CFAP20DC: variants seen among roughly 807,000 people sequenced by gnomAD.
The protein encoded by CFAP20DC is CFAP20 domain containing.
Under a neutral mutation model 101.7 loss-of-function variants are expected in CFAP20DC, and 84 were observed. The observed-to-expected ratio is 0.83, with a 90% CI of 0.69 to 0.99. CFAP20DC has a LOEUF of 0.99. Ranked by LOEUF, CFAP20DC falls within the 50% of genes least tolerant of loss-of-function variation. The probability of loss-of-function intolerance (pLI) is 0.00; values close to 1 mark genes in which losing one functional copy is unlikely to be tolerated. For missense variants in CFAP20DC, 1,007 were observed against 970.3 expected (o/e 1.04, Z -0.50); for synonymous variants, 359 against 351.2 (o/e 1.02, Z -0.25).
intron 14 of CFAP20DC, among the ~76,000 whole-genome samples, chr3:58,808,607 A>G (rs2074325224): frequency 6.6e-6 from 1 of 152,224 alleles, no homozygotes; most frequent in Non-Finnish European, 1.5e-5. Context: ...CCACTGCAAA[A>G]TCATGCCAAA....
intron 15 of CFAP20DC, among the ~76,000 whole-genome samples, chr3:58,776,012 G>T (rs2071306714): frequency 6.6e-6 from 1 of 152,036 alleles, no homozygotes; most frequent in Admixed American, 6.6e-5. Flanking sequence ...AAAGTGCTGG[G>T]ATTACAGGCG....
In CFAP20DC at chr3:58,729,486, G is replaced by A. The variant is rs546505525; in HGVS notation, c.198-11858C>T. 6.6e-6 allele frequency among the ~76,000 whole-genome samples: 1 copy of A among 152,066 alleles called. No homozygotes were observed. ...TCTTATAACTTTTATTAATTTATGT[G>A]TAGATAAAAGAGTTGTTTTAAGACA... On this transcript the variant is annotated intron_variant, in intron 3 of 3. Transcript: ENST00000486145. This position sits in a 1 kb window ranked among gnomAD's most constrained non-coding sequence, Gnocchi z 4.4.
At chr3:58,813,211 A>G (rs1380576334) in intron 14 of CFAP20DC, among the ~76,000 whole-genome samples, 1 of 151,932 alleles carries the variant, frequency 6.6e-6, no homozygotes, top group Non-Finnish European at 1.5e-5. Context: ...TTCCCTCCAC[A>G]GGAAACCTTT....
At chr3:58,737,021 A>G (rs1471799403), downstream of CFAP20DC, 1 of 304,696 alleles carries the variant, frequency 3.3e-6, no homozygotes, top group African/African-American at 2.2e-5. This position sits in a 1 kb window ranked among gnomAD's most constrained non-coding sequence, Gnocchi z 4.1. Context: ...ATGAACTTTC[A>G]TTTAGATTTA....
At chr3:58,855,477 C>A (rs1261090781) in intron 12 of CFAP20DC, among the ~76,000 whole-genome samples, 1 of 152,110 alleles carries the variant, frequency 6.6e-6, no homozygotes, top group Non-Finnish European at 1.5e-5. Context: ...CCCAGCCATC[C>A]CATTACTGGG....
chr3:58,943,759 G>A (rs1014168849), intron 4 of CFAP20DC, among the ~76,000 whole-genome samples: 5 of 152,002 alleles, frequency 3.3e-5, no homozygotes, highest in Non-Finnish European at 5.9e-5. Context: ...CAGAAGGTGG[G>A]TAATAATAAA....
intron 12 of CFAP20DC, among the ~76,000 whole-genome samples, chr3:58,854,027 A>C (rs1175188016): frequency 1.3e-5 from 2 of 152,124 alleles, no homozygotes; most frequent in Non-Finnish European, 1.5e-5. Flanking sequence ...TTCAATCAGG[A>C]AAAGAGGAAG....
chr3:58,900,008 T>G (rs1404414282), intron 6 of CFAP20DC, among the ~76,000 whole-genome samples: 2 of 152,124 alleles, frequency 1.3e-5, no homozygotes, highest in Non-Finnish European at 2.9e-5. Flanking sequence ...AACAGCATAA[T>G]GGGAGAATCT....
chr3:59,047,232 A>C lies in CFAP20DC; in HGVS notation c.44T>G (p.Phe15Cys). 1 of 1,534,850 alleles carries C rather than the reference A, an allele frequency of 6.5e-7. No homozygotes were observed. Residue 15 changes from phenylalanine to cysteine, a missense_variant, in exon 2 of 17, where the codon TTC becomes TGC. Coordinates refer to ENST00000482387, the MANE Select transcript of CFAP20DC (RefSeq NM_001394063.1). ...EYQGGAFVEI[F>C]SAQGKNPGAK... Reference sequence around the variant, plus strand: ...TCCAGGATTTTTTCCTTGAGCACTGAAAATTTCAACAAATGCACCTCCCTA... The same window carrying C: ...TCCAGGATTTTTTCCTTGAGCACTGCAAATTTCAACAAATGCACCTCCCTA...
chr3:58,945,359 T>C (rs2089200369), intron 4 of CFAP20DC, among the ~76,000 whole-genome samples: 1 of 152,218 alleles, frequency 6.6e-6, no homozygotes, highest in Non-Finnish European at 1.5e-5. Flanking sequence ...ATGCCTACCC[T>C]ACACTGTGTT....
rs200319661 is a variant in CFAP20DC at position 58,969,011 on chromosome 3, T to C, written c.279-31249A>G. Among the ~76,000 whole-genome samples, 14 of 152,284 alleles carry C rather than the reference T, an allele frequency of 9.2e-5. No individual in the cohort carries two copies. The East Asian group carries it at 2.5e-3, about 27-fold the overall frequency. ...TTTGTCAGCTTTGTTGAAGATCAGA[T>C]GGCTGTAGATGTGTGGCCTTATTTC... On this transcript the variant is annotated intron_variant, in intron 4 of 16. Coordinates refer to ENST00000482387, the MANE Select transcript of CFAP20DC (RefSeq NM_001394063.1).
intron 15 of CFAP20DC, among the ~76,000 whole-genome samples, chr3:58,789,522 G>T (rs973235335): frequency 3.3e-5 from 5 of 152,102 alleles, no homozygotes; most frequent in Admixed American, 2.6e-4. Flanking sequence ...TGCTAAAAAG[G>T]CTCTGTGAGG....
At chr3:58,855,204 G>A (rs1027709718) in intron 12 of CFAP20DC, among the ~76,000 whole-genome samples, 1 of 152,114 alleles carries the variant, frequency 6.6e-6, no homozygotes, top group African/African-American at 2.4e-5. Flanking sequence ...CTCAAAAGAA[G>A]ACATTAATGC....
At chr3:58,744,593 T>A (rs1575532146) in intron 16 of CFAP20DC, among the ~76,000 whole-genome samples, 2 of 152,170 alleles carry the variant, frequency 1.3e-5, no homozygotes, top group Middle Eastern at 6.8e-3. Flanking sequence ...GTTCAATAAG[T>A]CCAAAGGAAA....
At chr3:58,985,438 T>C (rs987448451) in intron 4 of CFAP20DC, among the ~76,000 whole-genome samples, 1 of 152,092 alleles carries the variant, frequency 6.6e-6, no homozygotes, top group Non-Finnish European at 1.5e-5. Context: ...ACTTAACACA[T>C]CTTTAGAAAA....
chr3:59,000,527 G>T (rs1034873753), intron 4 of CFAP20DC, among the ~76,000 whole-genome samples: 1 of 152,158 alleles, frequency 6.6e-6, no homozygotes, highest in East Asian at 1.9e-4. Flanking sequence ...AGGTAGACAG[G>T]GGACTATGAA....
At chr3:58,827,099 T>C (rs752348500) in intron 14 of CFAP20DC, among the ~76,000 whole-genome samples, 3 of 152,098 alleles carry the variant, frequency 2.0e-5, no homozygotes, top group Non-Finnish European at 4.4e-5. Flanking sequence ...GAGTGAACCC[T>C]GATAATGTGA....
At chr3:58,718,324 T>C (rs951934189) in intron 3 of CFAP20DC, among the ~76,000 whole-genome samples, 8 of 152,228 alleles carry the variant, frequency 5.3e-5, no homozygotes, top group African/African-American at 1.7e-4. Flanking sequence ...CATTTGCTTC[T>C]GACAAGATTG....
intron 3 of CFAP20DC, chr3:58,727,853 G>C (rs534707920): frequency 6.6e-6 from 1 of 152,262 alleles, no homozygotes; most frequent in East Asian, 1.9e-4. Context: ...CCCCGTTCTG[G>C]GATGCAGGCT....
Sources: allele counts gnomAD v4.1 joint callset (sites outside exome capture counted in the v4.1 genomes callset), GRCh38; gene constraint gnomAD v4.1.1; non-coding constraint Gnocchi (gnomAD v3.1); transcripts MANE v1.5; gene names NCBI Gene and HGNC (gene_info 2026-07-23, HGNC 2026-07-21).